PCSK7: variants seen among roughly 807,000 people sequenced by gnomAD.
The protein encoded by PCSK7 is proprotein convertase subtilisin/kexin type 7.
Under a neutral mutation model 73.3 loss-of-function variants are expected in PCSK7, and 38 were observed. The ratio of observed to expected loss-of-function variants is 0.52; its 90% confidence interval spans 0.40 to 0.68. The LOEUF (loss-of-function observed/expected upper bound fraction) is 0.68. PCSK7 is among the 30% of genes least tolerant of loss of function. The pLI is 0.00. For synonymous variants in PCSK7, 296 were observed against 383.8 expected (o/e 0.77, Z 2.68); for missense variants, 692 against 991.5 (o/e 0.70, Z 4.06).
intron 12 of PCSK7, chr11:117,211,167 C>CT (rs1261155431): frequency 6.6e-6 from 1 of 152,228 alleles, no homozygotes; most frequent in Non-Finnish European, 1.5e-5. Context: ...TGGAGTGCAG[C>CT]GGCTAGATGC....
chr11:117,223,210 T>C lies in PCSK7; in HGVS notation c.1153A>G (p.Ile385Val). The C allele has an allele frequency of 6.2e-7, 1 of 1,603,016 alleles. No individual in the cohort carries two copies. Among genetic ancestry groups the C allele is most frequent in the Non-Finnish European group, 8.5e-7 (1 of 1,169,956 alleles). ...TGGAGGGCCCGGGAGGCACTCACAA[T>C]GCTCCGAAGCATCTTGTCCCCACCA... ...FSGGDKMLRSIVTTDWDLQKG... is the reference protein window; with the variant it reads ...FSGGDKMLRSVVTTDWDLQKG... The change falls in exon 9 of 17, where the codon ATT becomes GTT. Residue 385 changes from isoleucine (I) to valine (V), a missense_variant and splice_region_variant. By Grantham distance (29) the Ile-to-Val change is conservative. This residue lies in a region of PCSK7 where 574 missense variants were observed against 689.8 expected (regional missense o/e 0.83). Coordinates refer to ENST00000320934, the MANE Select transcript of PCSK7 (RefSeq NM_004716.4).
At chr11:117,230,039 C>T in intron 2 of PCSK7, 183 bp from the exon 3 acceptor site, 2 of 541,132 alleles carry the variant, frequency 3.7e-6, no homozygotes, top group East Asian at 6.1e-5. Flanking sequence ...GGGATAAGCC[C>T]CCAGGTGGAG....
At chr11:117,216,376 T>C (rs1048132682) in intron 12 of PCSK7, 2 of 151,028 alleles carry the variant, frequency 1.3e-5, no homozygotes, top group Admixed American at 6.6e-5. Flanking sequence ...AAAACAACCA[T>C]AACTTGGCTG....
In PCSK7 at chr11:117,218,043, G is replaced by A. The variant is rs1256544108; in HGVS notation, c.1534+423C>T. ...ACATCTGACTCTCTCTATTAGGTAA[G>A]CCAGAGAATCAAAGGAAGAAATGCC... is the stretch of plus-strand genomic sequence containing the variant. On this transcript the variant is annotated intron_variant, in intron 12 of 16. Coordinates refer to ENST00000320934, the MANE Select transcript of PCSK7 (RefSeq NM_004716.4). The surrounding 1 kb of genome is among the most constrained non-coding windows in gnomAD (Gnocchi z 4.0). 6.5e-6 allele frequency: 1 copy of A among 152,990 alleles called. No homozygotes were observed. Among genetic ancestry groups the A allele is most frequent in the African/African-American group, 2.4e-5 (1 of 41,484 alleles). The allele number at this position is 152,990 out of a possible 1,614,324, so 9.5% of individuals were successfully genotyped here.
intron 3 of PCSK7, among the ~76,000 whole-genome samples, chr11:117,228,569 G>A (rs12287795): frequency 2.0e-5 from 3 of 151,964 alleles, no homozygotes; most frequent in Non-Finnish European, 4.4e-5. Flanking sequence ...TGGGGGATTC[G>A]GGATAAAATG....
chr11:117,229,949 C>T (rs1490672588), intron 2 of PCSK7, 93 bp from the exon 3 acceptor site: 4 of 702,374 alleles, frequency 5.7e-6, no homozygotes, highest in Non-Finnish European at 9.3e-6. Flanking sequence ...TGTGTTCCCC[C>T]TGGAAGTCCC....
intron 12 of PCSK7, chr11:117,213,054 G>A (rs1189178165): frequency 6.6e-6 from 1 of 152,252 alleles, no homozygotes; most frequent in South Asian, 2.1e-4. Flanking sequence ...CTTCCTTAGT[G>A]GCAGGAGACA....
In PCSK7 at chr11:117,223,288, G is replaced by A. The variant is rs769168454; in HGVS notation, c.1075C>T (p.Arg359Cys). 5.9e-5 allele frequency: 95 copies of A among 1,610,908 alleles called. No individual in the cohort carries two copies. The highest frequency in any genetic ancestry group is 7.6e-5 in the Non-Finnish European group (90 of 1,177,224). The change falls in exon 9 of 17, where the codon CGC (arginine) becomes TGC (cysteine). Residue 359 changes from arginine (R) to cysteine (C), a missense_variant. This residue lies in a region of PCSK7 where 574 missense variants were observed against 689.8 expected (regional missense o/e 0.83). Transcript: ENST00000320934. ...VTIGAVDEEG[R>C]MPFYAEECAS... ...CATTCTTCTGCATAGAAAGGCATGC[G>A]TCCCTCCTCATCCACAGCTCCTAGG... is the stretch of plus-strand genomic sequence containing the variant.
At chr11:117,219,224 A>C (rs2032103610) in intron 10 of PCSK7, 60 bp from the exon 11 acceptor site, 2 of 1,243,224 alleles carry the variant, frequency 1.6e-6, no homozygotes, top group Non-Finnish European at 2.3e-6. Context: ...CAACAATCTG[A>C]CTCTGGTTTC....
rs778584347 is a variant in PCSK7, at chr11:117,204,401, C to T, written c.*1596G>A. The T allele has an allele frequency of 6.2e-7, 1 of 1,613,890 alleles. No individual in the cohort carries two copies. The highest frequency in any genetic ancestry group is 1.3e-5 in the African/African-American group (1 of 75,068). On this transcript the variant is annotated 3_prime_UTR_variant, in exon 17 of 17. Coordinates refer to ENST00000320934, the MANE Select transcript of PCSK7 (RefSeq NM_004716.4). ...CCTGAGCCCGGCCCTCCCCCAGCTC[C>T]TTGGCTGCAGCCATCCCGCTTAGCC...
At chr11:117,230,953 G>C (rs2032632292) in intron 1 of PCSK7, among the ~76,000 whole-genome samples, 1 of 151,846 alleles carries the variant, frequency 6.6e-6, no homozygotes, top group Non-Finnish European at 1.5e-5. Context: ...AGCTACTCCT[G>C]TACTGAGCTC....
rs138664161 is a variant in PCSK7, at chr11:117,230,958, G to A, written c.-132-490C>T. Reference sequence around the variant, plus strand: ...CTCACTAAGCAGCTACTCCTGTACTGAGCTCAGGAGGCTGGCTTCAAGGTG... The same window carrying A: ...CTCACTAAGCAGCTACTCCTGTACTAAGCTCAGGAGGCTGGCTTCAAGGTG... On this transcript the variant is annotated intron_variant, in intron 1 of 16. Coordinates refer to ENST00000320934, the MANE Select transcript of PCSK7 (RefSeq NM_004716.4). Among the ~76,000 whole-genome samples the A allele has an allele frequency of 1.4e-4, 22 of 151,982 alleles. No homozygotes were observed. In the East Asian group the frequency reaches 4.1e-3, roughly 28 times the overall value.
intron 12 of PCSK7, chr11:117,212,859 T>C (rs1006385394): frequency 2.0e-5 from 3 of 152,182 alleles, no homozygotes; most frequent in Admixed American, 6.5e-5. Context: ...GAACTGTAAG[T>C]GTGCACCACC....
At position 117,224,833 on chromosome 11, in the gene PCSK7, T is replaced by C. The variant is rs989906071; in HGVS notation, c.861-78A>G. 1.6e-5 allele frequency: 17 copies of C among 1,066,744 alleles called. No homozygotes were observed. In the Admixed American group the frequency reaches 1.7e-4, roughly 11 times the overall value. 66.1% of individuals were successfully genotyped at this position (1,066,744 alleles called of 1,614,324 possible). A position where few individuals can be genotyped will look rare whatever the true frequency, so the allele number is the denominator to read the frequency against. On this transcript the variant is annotated intron_variant, in intron 6 of 16. Coordinates refer to ENST00000320934, the MANE Select transcript of PCSK7 (RefSeq NM_004716.4). ...CCACCCAGCGCCTCCCAGTCTCAGC[T>C]GGCTGCCCTTTGACCTGCAGCTCTT...
chr11:117,206,178 C>G lies in PCSK7; in HGVS notation c.2177G>C (p.Cys726Ser), dbSNP rs772747362. 1.9e-6 allele frequency: 3 copies of G among 1,613,918 alleles called. No individual in the cohort carries two copies. The South Asian group carries it at 3.3e-5, about 18-fold the overall frequency. Reference sequence around the variant, plus strand: ...CACTTCGTCTGGATCCTTGCTGCTGCAAAGTGGCACTGATTCTAGCTCTGT... The same window carrying G: ...CACTTCGTCTGGATCCTTGCTGCTGGAAAGTGGCACTGATTCTAGCTCTGT... ...EGTELESVPL[C>S]SSKDPDEVET... Residue 726 changes from cysteine to serine, a missense_variant, in exon 17 of 17, where the codon TGC becomes TCC. By Grantham distance (112) the Cys-to-Ser change is moderately radical (BLOSUM62 -1). Transcript: ENST00000320934.
At chr11:117,214,645 G>A (rs560514373) in intron 12 of PCSK7, 18 of 152,404 alleles carry the variant, frequency 1.2e-4, no homozygotes, top group African/African-American at 4.3e-4. Flanking sequence ...GGGGCACTAT[G>A]AGTAAGAAAG....
At chr11:117,227,876 G>A (rs924278566) in intron 4 of PCSK7, among the ~76,000 whole-genome samples, 2 of 152,172 alleles carry the variant, frequency 1.3e-5, no homozygotes, top group East Asian at 1.9e-4. Context: ...ACAGCTCCAC[G>A]GCTTGGGAAA....
At position 117,205,507 on chromosome 11, in the gene PCSK7, G is replaced by C. The variant is rs1316342970; in HGVS notation, c.*490C>G. The C allele has an allele frequency of 4.3e-6, 1 of 234,312 alleles. No individual in the cohort carries two copies. Among genetic ancestry groups the C allele is most frequent in the Non-Finnish European group, 8.4e-6 (1 of 118,652 alleles). 14.5% of individuals were successfully genotyped at this position (234,312 alleles called of 1,614,324 possible). A position where few individuals can be genotyped will look rare whatever the true frequency, so the allele number is the denominator to read the frequency against. On this transcript the variant is annotated 3_prime_UTR_variant, in exon 17 of 17. Coordinates refer to ENST00000320934, the MANE Select transcript of PCSK7 (RefSeq NM_004716.4). ...TCATTCATGGTTGGTTTCTGATCAG[G>C]CATCTTGGGAATGGATAATGGAGGC... is the stretch of plus-strand genomic sequence containing the variant.
At position 117,224,346 on chromosome 11, in the gene PCSK7, G is replaced by T. The variant is rs1373143454; in HGVS notation, c.916-130C>A. 35 of 877,816 alleles carry T rather than the reference G, an allele frequency of 4.0e-5. No individual in the cohort carries two copies. The East Asian group carries it at 9.0e-4, about 23-fold the overall frequency. 54.4% of individuals were successfully genotyped at this position (877,816 alleles called of 1,614,324 possible). A position where few individuals can be genotyped will look rare whatever the true frequency, so the allele number is the denominator to read the frequency against. ...AGTTCAAAGGGCACTGGGCATGGGGGAAAGATTGGAAGATGGACCCCGCAT... is the reference window on the plus strand; with the variant it reads ...AGTTCAAAGGGCACTGGGCATGGGGTAAAGATTGGAAGATGGACCCCGCAT... On this transcript the variant is annotated intron_variant, in intron 7 of 16. Coordinates refer to ENST00000320934, the MANE Select transcript of PCSK7 (RefSeq NM_004716.4).
Sources: allele counts gnomAD v4.1 joint callset (sites outside exome capture counted in the v4.1 genomes callset), GRCh38; gene constraint gnomAD v4.1.1; regional missense constraint gnomAD v4.1.1; non-coding constraint Gnocchi (gnomAD v3.1); transcripts MANE v1.5; gene names NCBI Gene and HGNC (gene_info 2026-07-23, HGNC 2026-07-21).